Variants in LRRC7 observed in about 807,000 individuals in gnomAD.
The protein encoded by LRRC7 is leucine rich repeat containing 7, also known as leucine-rich repeat-containing protein 7.
A neutral mutation model predicts 175.7 loss-of-function variants in LRRC7; 23 were observed. That is an observed-to-expected ratio of 0.13 (90% confidence interval 0.09 to 0.19). LRRC7 has a LOEUF of 0.19. Among genes scored for constraint, LRRC7 ranks in the 10% least tolerant of loss-of-function variants. LRRC7 has a pLI of 1.00. For synonymous variants in LRRC7, 685 were observed against 680.9 expected (o/e 1.01, Z -0.09); for missense variants, 1,354 against 1,904.7 (o/e 0.71, Z 5.38).
intron 2 of LRRC7, among the ~76,000 whole-genome samples, chr1:69,703,473 C>T (rs147484239): frequency 2.4e-4 from 37 of 151,860 alleles, no homozygotes; most frequent in African/African-American, 8.5e-4. Flanking sequence ...TATTTGTATT[C>T]AGAGTAATGG....
In LRRC7 at chr1:70,142,968, A is replaced by C. The variant is rs569490518; in HGVS notation, c.*21081A>C. On this transcript the variant is annotated 3_prime_UTR_variant, in exon 27 of 27. Coordinates refer to ENST00000651989, the MANE Select transcript of LRRC7 (RefSeq NM_001370785.2). ...TTCATAATTGATTACTTTTGACCTC[A>C]GTTATTTTGGGGCATAATCCTTTTA... 8.3e-4 allele frequency: 126 copies of C among 152,086 alleles called. No homozygotes were observed. The highest frequency in any genetic ancestry group is 2.8e-3 in the African/African-American group (117 of 41,532). 9.4% of individuals were successfully genotyped at this position (152,086 alleles called of 1,614,324 possible).
chr1:69,920,831 G>A (rs1646868419), intron 7 of LRRC7, among the ~76,000 whole-genome samples: 1 of 152,082 alleles, frequency 6.6e-6, no homozygotes, highest in Admixed American at 6.6e-5. Flanking sequence ...CCTTCATCTG[G>A]GCCCCCAATA....
chr1:69,819,434 T>A (rs1678975678), intron 4 of LRRC7, among the ~76,000 whole-genome samples: 1 of 152,140 alleles, frequency 6.6e-6, no homozygotes, highest in Admixed American at 6.6e-5. Context: ...AGATACTTGA[T>A]ATTATTTCAG....
chr1:70,030,305 G>C (rs1208637733), intron 18 of LRRC7, among the ~76,000 whole-genome samples: 2 of 152,134 alleles, frequency 1.3e-5, no homozygotes, highest in Admixed American at 6.6e-5. Flanking sequence ...TTGTCTGTGT[G>C]ATTTGCACCA....
At chr1:70,097,162 C>T (rs1362376388) in intron 25 of LRRC7, among the ~76,000 whole-genome samples, 2 of 152,108 alleles carry the variant, frequency 1.3e-5, no homozygotes, top group Non-Finnish European at 2.9e-5. Context: ...TCATTCTGCT[C>T]TACACCACCT....
At chr1:70,083,458 C>T (rs1420349296) in intron 24 of LRRC7, among the ~76,000 whole-genome samples, 1 of 152,108 alleles carries the variant, frequency 6.6e-6, no homozygotes, top group Non-Finnish European at 1.5e-5. Context: ...TAATTTCAAG[C>T]TTAATTTACA....
chr1:69,970,936 C>G (rs1652171385), intron 8 of LRRC7, among the ~76,000 whole-genome samples: 1 of 152,120 alleles, frequency 6.6e-6, no homozygotes, highest in Non-Finnish European at 1.5e-5. Flanking sequence ...CTACCATCAT[C>G]AAGTGGGTTT....
intron 1 of LRRC7, among the ~76,000 whole-genome samples, chr1:69,670,342 A>T (rs1238450766): frequency 6.6e-6 from 1 of 152,174 alleles, no homozygotes; most frequent in Non-Finnish European, 1.5e-5. Flanking sequence ...GTACTACCTT[A>T]GTTGTCTTGC....
At chr1:69,781,684 A>G (rs192291063) in intron 3 of LRRC7, among the ~76,000 whole-genome samples, 4,652 of 92,196 alleles carry the variant, frequency 0.05, 433 homozygotes, top group Middle Eastern at 0.09. Flanking sequence ...TGTCTCAAAA[A>G]AAAGAAGAAA....
chr1:69,833,123 C>G (rs965956703), intron 5 of LRRC7, among the ~76,000 whole-genome samples: 1 of 151,214 alleles, frequency 6.6e-6, no homozygotes, highest in African/African-American at 2.4e-5. Context: ...AAAGAAGAAA[C>G]GACTGTAATG....
intron 1 of LRRC7, among the ~76,000 whole-genome samples, chr1:69,575,218 G>A (rs143818971): frequency 1.3e-5 from 2 of 152,210 alleles, no homozygotes; most frequent in African/African-American, 4.8e-5. Context: ...ATAAAATCAG[G>A]TCTTGTAGCT....
intron 24 of LRRC7, among the ~76,000 whole-genome samples, chr1:70,078,519 C>A (rs1022578364): frequency 1.3e-5 from 2 of 152,160 alleles, no homozygotes; most frequent in African/African-American, 2.4e-5. Flanking sequence ...TCCAGCACAC[C>A]ACTGACTACT....
chr1:69,636,118 T>C (rs1653314656), intron 1 of LRRC7, among the ~76,000 whole-genome samples: 1 of 152,026 alleles, frequency 6.6e-6, no homozygotes, highest in South Asian at 2.1e-4. Flanking sequence ...GAATCTACCA[T>C]GCATCAATTC....
chr1:69,770,389 CTT>C (rs1230781736), intron 3 of LRRC7, among the ~76,000 whole-genome samples: 4 of 152,000 alleles, frequency 2.6e-5, no homozygotes, highest in Admixed American at 1.3e-4. Flanking sequence ...AACAAGGACA[CTT>C]ATTTATTTTG....
chr1:69,588,648 T>C (rs1646498098), intron 1 of LRRC7, among the ~76,000 whole-genome samples: 1 of 152,198 alleles, frequency 6.6e-6, no homozygotes, highest in Non-Finnish European at 1.5e-5. Context: ...TTCTTTCATC[T>C]GTATGAAGAA....
At chr1:69,716,302 T>G (rs1665341078) in intron 2 of LRRC7, 1 of 411,684 alleles carries the variant, frequency 2.4e-6, no homozygotes, top group Non-Finnish European at 4.5e-6. Context: ...TACCAAATAG[T>G]CTTGTAATTT....
chr1:69,714,961 G>T (rs1025132087), intron 2 of LRRC7, among the ~76,000 whole-genome samples: 1 of 152,220 alleles, frequency 6.6e-6, no homozygotes, highest in Non-Finnish European at 1.5e-5. Flanking sequence ...ATAAAGAATT[G>T]TATCAATTAA....
chr1:70,102,543 A>G (rs1664871769), intron 25 of LRRC7, among the ~76,000 whole-genome samples: 1 of 152,106 alleles, frequency 6.6e-6, no homozygotes, highest in South Asian at 2.1e-4. Flanking sequence ...TTAAGAAGTA[A>G]AAATAGAGAT....
intron 5 of LRRC7, among the ~76,000 whole-genome samples, chr1:69,829,510 A>G (rs542690247): frequency 6.6e-6 from 1 of 151,870 alleles, no homozygotes; most frequent in Non-Finnish European, 1.5e-5. Context: ...TGTAAAATTA[A>G]TTAATGTTAA....
Sources: gnomAD v4.1 joint callset for allele counts (sites outside exome capture counted in the v4.1 genomes callset) on GRCh38, gnomAD v4.1.1 for gene constraint, MANE v1.5 for transcripts, NCBI Gene and HGNC (gene_info 2026-07-23, HGNC 2026-07-21) for gene names.